B3GALT1: variants seen among roughly 807,000 people sequenced by gnomAD.
The protein encoded by B3GALT1 is beta-1,3-galactosyltransferase 1.
Under a neutral mutation model 23.2 loss-of-function variants are expected in B3GALT1, and 10 were observed. The ratio of observed to expected loss-of-function variants is 0.43; its 90% CI spans 0.27 to 0.73. The LOEUF (loss-of-function observed/expected upper bound fraction) is 0.73, where lower values mean the gene tolerates loss of function less well. B3GALT1 is among the 30% of genes least tolerant of loss of function. The pLI, the probability that B3GALT1 is intolerant of heterozygous loss-of-function variation, is 0.21. For synonymous variants in B3GALT1, 156 were observed against 141.5 expected, an observed-to-expected ratio of 1.10 and a Z score of -0.73; for missense variants, 299 against 405.4, an observed-to-expected ratio of 0.74 and a Z score of 2.25.
intron 3 of B3GALT1, among the ~76,000 whole-genome samples, chr2:167,662,786 G>T (rs192554181): frequency 6.6e-6 from 1 of 151,744 alleles, no homozygotes; most frequent in East Asian, 1.9e-4. Context: ...CTCCTCTCCA[G>T]CTACATTGAC....
At chr2:167,529,474 C>CTT (rs1683285439) in intron 2 of B3GALT1, among the ~76,000 whole-genome samples, 1 of 151,646 alleles carries the variant, frequency 6.6e-6, no homozygotes, top group African/African-American at 2.4e-5. Flanking sequence ...TAGGATGAAT[C>CTT]TAAGAGTTTT....
chr2:167,714,341 T>C (rs1239643039), intron 3 of B3GALT1: 2 of 1,497,042 alleles, frequency 1.3e-6, no homozygotes, highest in East Asian at 4.5e-5. Flanking sequence ...ACAGCTTGGT[T>C]CTCCTCTTTT....
chr2:167,412,961 T>C (rs552524824), intron 1 of B3GALT1, among the ~76,000 whole-genome samples: 4 of 152,238 alleles, frequency 2.6e-5, no homozygotes, highest in African/African-American at 4.8e-5. Flanking sequence ...AAAGACATTA[T>C]ACACAAGAAT....
chr2:167,691,111 C>CTAG (rs1190060554), intron 3 of B3GALT1, among the ~76,000 whole-genome samples: 1 of 152,066 alleles, frequency 6.6e-6, no homozygotes, highest in African/African-American at 2.4e-5. Flanking sequence ...ATTTTCCACT[C>CTAG]TAGTATATTT....
At chr2:167,517,493 G>A (rs1416357359) in intron 2 of B3GALT1, among the ~76,000 whole-genome samples, 1 of 151,998 alleles carries the variant, frequency 6.6e-6, no homozygotes, top group Non-Finnish European at 1.5e-5. Context: ...TACTGCCCAT[G>A]TAATCAAGAA....
chr2:167,795,545 T>A (rs544321592), intron 3 of B3GALT1, among the ~76,000 whole-genome samples: 33 of 152,334 alleles, frequency 2.2e-4, no homozygotes, highest in Admixed American at 9.2e-4. Flanking sequence ...TTTTTCTCTG[T>A]TCTTTGGTAA....
rs530216874 is a variant in B3GALT1, at chr2:167,459,429, A to G, written c.-510-30748A>G. 9.2e-5 allele frequency among the ~76,000 whole-genome samples: 14 copies of G among 152,264 alleles called. 1 individual carries two copies. In the East Asian group the frequency reaches 2.5e-3, roughly 27 times the overall value. On this transcript the variant is annotated intron_variant, in intron 1 of 4. Transcript: ENST00000392690. ...GTTCCCAACCCTTTTCCTGTTGTTG[A>G]TGTCATAAAATTACATCTTTGCATG...
intron 1 of B3GALT1, among the ~76,000 whole-genome samples, chr2:167,319,338 T>C (rs1540821): frequency 0.81 from 123,870 of 152,036 alleles, 51,572 homozygotes; most frequent in Non-Finnish European, 0.9. Flanking sequence ...TTTTCTTCTC[T>C]GATAGCTGAA....
intron 4 of B3GALT1, among the ~76,000 whole-genome samples, chr2:167,850,102 C>A (rs1689848137): frequency 6.6e-6 from 1 of 152,160 alleles, no homozygotes; most frequent in Non-Finnish European, 1.5e-5. Flanking sequence ...GCAGAGTAAA[C>A]TGACAACCCA....
chr2:167,375,824 C>A (rs1697754562), intron 1 of B3GALT1, among the ~76,000 whole-genome samples: 1 of 152,044 alleles, frequency 6.6e-6, no homozygotes, highest in African/African-American at 2.4e-5. Context: ...AATGCCTTTT[C>A]TCTTGCCTGC....
intron 1 of B3GALT1, among the ~76,000 whole-genome samples, chr2:167,411,799 A>G (rs1409212055): frequency 6.6e-6 from 1 of 152,222 alleles, no homozygotes; most frequent in African/African-American, 2.4e-5. Flanking sequence ...GAAATATGGA[A>G]TCAACCTAAG....
chr2:167,378,704 C>A (rs1425189132), intron 1 of B3GALT1, among the ~76,000 whole-genome samples: 1 of 151,980 alleles, frequency 6.6e-6, no homozygotes, highest in East Asian at 1.9e-4. Flanking sequence ...ATATCTATTT[C>A]TTATTTCATT....
chr2:167,586,297 A>G (rs1258965584), intron 2 of B3GALT1, among the ~76,000 whole-genome samples: 2 of 152,064 alleles, frequency 1.3e-5, no homozygotes, highest in Non-Finnish European at 2.9e-5. Flanking sequence ...GAAAAAAGTC[A>G]TATTTTCTTT....
intron 2 of B3GALT1, among the ~76,000 whole-genome samples, chr2:167,614,171 A>G (rs1307301755): frequency 6.6e-6 from 1 of 151,848 alleles, no homozygotes; most frequent in Non-Finnish European, 1.5e-5. Flanking sequence ...GTAAATGAGC[A>G]AATAAATGCC....
chr2:167,564,522 T>C (rs1440140609), intron 2 of B3GALT1, among the ~76,000 whole-genome samples: 1 of 150,050 alleles, frequency 6.7e-6, no homozygotes, highest in Non-Finnish European at 1.5e-5. Context: ...CGCCGGGAGG[T>C]GGAGGCCGCA....
At chr2:167,856,647 G>A (rs756427819) in intron 4 of B3GALT1, among the ~76,000 whole-genome samples, 39 of 152,180 alleles carry the variant, frequency 2.6e-4, no homozygotes, top group Admixed American at 3.9e-4. Context: ...GCTGACACCA[G>A]GAAAGCTTGG....
Position 167,411,220 on chromosome 2 carries a change from T to G in B3GALT1, c.-510-78957T>G, listed in dbSNP as rs529524176. Among the ~76,000 whole-genome samples the G allele has an allele frequency of 8.1e-5, 12 of 148,926 alleles. No individual in the cohort carries two copies. In the South Asian group the frequency reaches 2.4e-3, roughly 29 times the overall value. Reference sequence around the variant, plus strand: ...GGATTACATCAAGCTAAAAATCTTCTGTATAACAACAACAACAACAACAAC... The same window carrying G: ...GGATTACATCAAGCTAAAAATCTTCGGTATAACAACAACAACAACAACAAC... On this transcript the variant is annotated intron_variant, in intron 1 of 4. Coordinates refer to ENST00000392690, the MANE Select transcript of B3GALT1 (RefSeq NM_020981.4).
At chr2:167,674,415 A>C (rs181215623) in intron 3 of B3GALT1, among the ~76,000 whole-genome samples, 1 of 152,282 alleles carries the variant, frequency 6.6e-6, no homozygotes, top group East Asian at 1.9e-4. Context: ...AATTTGTTTC[A>C]TGTAAGCAAG....
At chr2:167,828,537 G>C (rs962450475) in intron 4 of B3GALT1, among the ~76,000 whole-genome samples, 5 of 152,154 alleles carry the variant, frequency 3.3e-5, no homozygotes, top group African/African-American at 9.7e-5. Flanking sequence ...ATTCCCAACA[G>C]GCACGTTTAA....
Sources: allele counts gnomAD v4.1 joint callset (sites outside exome capture counted in the v4.1 genomes callset), GRCh38; gene constraint gnomAD v4.1.1; transcripts MANE v1.5; gene names NCBI Gene and HGNC (gene_info 2026-07-23, HGNC 2026-07-21).